SUCLA2: variants seen among roughly 807,000 people sequenced by gnomAD.
SUCLA2 encodes the protein succinate-CoA ligase ADP-forming subunit beta.
Under a neutral mutation model 54.8 loss-of-function variants are expected in SUCLA2, and 30 were observed. The observed-to-expected ratio is 0.55, with a 90% CI of 0.41 to 0.74. The LOEUF is 0.74. Among genes scored for constraint, SUCLA2 ranks in the 30% least tolerant of loss-of-function variants. The probability of loss-of-function intolerance (pLI) is 0.00; values close to 1 mark genes in which losing one functional copy is unlikely to be tolerated. For synonymous variants in SUCLA2, 172 were observed against 188.9 expected, an observed-to-expected ratio of 0.91 and a Z score of 0.74; for missense variants, 476 against 562.9, an observed-to-expected ratio of 0.85 and a Z score of 1.56.
chr13:47,945,537 A>T (rs377018170), intron 10 of SUCLA2, among the ~76,000 whole-genome samples: 4 of 152,038 alleles, frequency 2.6e-5, no homozygotes, highest in African/African-American at 9.6e-5. Flanking sequence ...GAAGACAAAA[A>T]ATTCTCATCT....
intron 6 of SUCLA2, among the ~76,000 whole-genome samples, chr13:47,964,856 C>G (rs1034453062): frequency 1.4e-5 from 2 of 145,682 alleles, no homozygotes; most frequent in African/African-American, 5.1e-5. Flanking sequence ...GACCCCGTCT[C>G]AAAAAAAAAA....
At chr13:47,963,019 T>TA (rs2137706663) in intron 6 of SUCLA2, among the ~76,000 whole-genome samples, 1 of 149,136 alleles carries the variant, frequency 6.7e-6, no homozygotes, top group African/African-American at 2.5e-5. Flanking sequence ...TACACATTGT[T>TA]ACGTTTCTTC....
chr13:47,963,924 T>C (rs1410448261), intron 6 of SUCLA2, among the ~76,000 whole-genome samples: 5 of 152,214 alleles, frequency 3.3e-5, no homozygotes, highest in African/African-American at 9.6e-5. Context: ...TCCTGGAATA[T>C]CTTGTTGCAC....
chr13:47,960,940 T>C (rs1026334805), intron 6 of SUCLA2, among the ~76,000 whole-genome samples: 4 of 152,152 alleles, frequency 2.6e-5, no homozygotes, highest in African/African-American at 9.7e-5. Flanking sequence ...AAGGCCGATT[T>C]TGAGGGATAA....
chr13:47,980,352 T>C (rs1243350018), intron 4 of SUCLA2, among the ~76,000 whole-genome samples: 1 of 151,850 alleles, frequency 6.6e-6, no homozygotes, highest in East Asian at 1.9e-4. Context: ...GAAATGCAGG[T>C]TGCAGTGAGC....
At chr13:47,982,661 C>T (rs1950068753) in intron 4 of SUCLA2, among the ~76,000 whole-genome samples, 1 of 151,676 alleles carries the variant, frequency 6.6e-6, no homozygotes, top group African/African-American at 2.4e-5. Flanking sequence ...CACTATTATA[C>T]TGCATACTCA....
intron 4 of SUCLA2, among the ~76,000 whole-genome samples, chr13:47,982,694 G>C (rs939843730): frequency 7.2e-6 from 1 of 138,292 alleles, no homozygotes; most frequent in African/African-American, 2.6e-5. Flanking sequence ...TAAATTTTTT[G>C]TTATATTTTT....
rs1950196415 is a variant in SUCLA2 at position 47,996,940 on chromosome 13, G to A, written c.174C>T (p.Tyr58=). The A allele has an allele frequency of 6.2e-7, 1 of 1,614,036 alleles. No individual in the cohort carries two copies. Among genetic ancestry groups the A allele is most frequent in the Non-Finnish European group, 8.5e-7 (1 of 1,179,970 alleles). The change falls in exon 2 of 11, where the codon TAC becomes TAT. Residue 58 remains tyrosine (Y), a synonymous_variant. Coordinates refer to ENST00000646932, the MANE Select transcript of SUCLA2 (RefSeq NM_003850.3). ...QQQRNLSLHE[Y]MSMELLQEAG... Reference sequence around the variant, plus strand: ...CTTCTTGCAATAATTCCATACTCATGTATTCATGTAGTGAGAGATTCCTTT... The same window carrying A: ...CTTCTTGCAATAATTCCATACTCATATATTCATGTAGTGAGAGATTCCTTT...
At chr13:47,953,117 G>C (rs1338307216) in intron 8 of SUCLA2, among the ~76,000 whole-genome samples, 1 of 152,082 alleles carries the variant, frequency 6.6e-6, no homozygotes, top group African/African-American at 2.4e-5. Context: ...AAAATATATG[G>C]CCACTTCAAT....
intron 4 of SUCLA2, among the ~76,000 whole-genome samples, chr13:47,984,445 G>A (rs1044729886): frequency 2.0e-5 from 3 of 151,286 alleles, no homozygotes; most frequent in Admixed American, 1.3e-4. Context: ...CTCATGATCC[G>A]CCCGCCTCAG....
At chr13:47,947,059 C>T (rs1046602219) in intron 10 of SUCLA2, among the ~76,000 whole-genome samples, 2 of 152,220 alleles carry the variant, frequency 1.3e-5, no homozygotes, top group Admixed American at 6.5e-5. Flanking sequence ...ACTCAAGAAA[C>T]GTAAAGATGA....
intron 6 of SUCLA2, chr13:47,965,495 A>C (rs766878143): frequency 5.7e-5 from 4 of 70,006 alleles, no homozygotes; most frequent in African/African-American, 3.6e-4. Context: ...CCCCTTCTTT[A>C]AAAAAAAAAA....
intron 9 of SUCLA2, among the ~76,000 whole-genome samples, 196 bp downstream of exon 9, chr13:47,949,287 T>C (rs1263279532): frequency 6.6e-6 from 1 of 152,180 alleles, no homozygotes; most frequent in Admixed American, 6.5e-5. Flanking sequence ...AAAAAGTGTA[T>C]CAAATTATAC....
At chr13:47,953,717 G>A (rs1028442573) in intron 8 of SUCLA2, among the ~76,000 whole-genome samples, 4 of 151,934 alleles carry the variant, frequency 2.6e-5, no homozygotes, top group South Asian at 2.1e-4. Context: ...AAGAATTCTC[G>A]GTTTAAATCC....
In SUCLA2 at chr13:47,948,948, C is replaced by T; in HGVS notation, c.1309G>A (p.Ala437Thr). 6.2e-7 allele frequency: 1 copy of T among 1,613,786 alleles called. No homozygotes were observed. The highest frequency in any genetic ancestry group is 8.5e-7 in the Non-Finnish European group (1 of 1,179,756). Reference sequence around the variant, plus strand: ...GAACATGGCCAATTTACCATTCTAGCAGCTTCATCCAAGTCATCACAAGCA... The same window carrying T: ...GAACATGGCCAATTTACCATTCTAGTAGCTTCATCCAAGTCATCACAAGCA... The part of the protein sequence containing the change: ...ILACDDLDEA[A>T]RMVVKLSEIV... Residue 437 changes from alanine to threonine, a missense_variant, in exon 10 of 11, where the codon GCT becomes ACT. By Grantham distance (58) the Ala-to-Thr change is moderately conservative. Transcript: ENST00000646932.
At chr13:47,972,454 A>G (rs1417191622) in intron 5 of SUCLA2, among the ~76,000 whole-genome samples, 2 of 151,858 alleles carry the variant, frequency 1.3e-5, no homozygotes, top group East Asian at 3.9e-4. Flanking sequence ...GGATCACCTG[A>G]GGTCAGGAGT....
At chr13:47,977,148 T>C (rs1950021216) in intron 4 of SUCLA2, among the ~76,000 whole-genome samples, 1 of 152,132 alleles carries the variant, frequency 6.6e-6, no homozygotes, top group Non-Finnish European at 1.5e-5. Flanking sequence ...AGAAAGAGTC[T>C]GAGACTGCTA....
intron 2 of SUCLA2, among the ~76,000 whole-genome samples, chr13:47,995,350 T>C (rs954102121): frequency 3.3e-5 from 5 of 152,186 alleles, no homozygotes; most frequent in African/African-American, 1.2e-4. Flanking sequence ...TATGAACTTA[T>C]ACAAAGCTTT....
At chr13:47,958,036 G>A (rs2137699502) in intron 6 of SUCLA2, among the ~76,000 whole-genome samples, 1 of 152,300 alleles carries the variant, frequency 6.6e-6, no homozygotes, top group East Asian at 1.9e-4. Context: ...TCTGGGGTTT[G>A]CTGCTGAATG....
Sources: allele counts gnomAD v4.1 joint callset (sites outside exome capture counted in the v4.1 genomes callset), GRCh38; gene constraint gnomAD v4.1.1; transcripts MANE v1.5; gene names NCBI Gene and HGNC (gene_info 2026-07-23, HGNC 2026-07-21).